FGFR3: variants seen among roughly 807,000 people sequenced by gnomAD.
FGFR3 encodes FGFR-3.
Under a neutral mutation model 82.9 loss-of-function variants are expected in FGFR3, and 25 were observed. The observed-to-expected ratio is 0.30, with a 90% CI of 0.22 to 0.42. The LOEUF is 0.42. Among genes scored for constraint, FGFR3 ranks in the 10% least tolerant of loss-of-function variants. The probability of loss-of-function intolerance (pLI) is 1.00; values close to 1 mark genes in which losing one functional copy is unlikely to be tolerated. For synonymous variants in FGFR3, 620 were observed against 516.0 expected, an observed-to-expected ratio of 1.20 and a Z score of -2.73; for missense variants, 1,026 against 1,161.0, an observed-to-expected ratio of 0.88 and a Z score of 1.69.
At position 1,793,432 on chromosome 4, in the gene FGFR3, C is replaced by T. The variant is rs781380390; in HGVS notation, c.-136C>T. ...GCGGACAGCGAGCCGGAGCGGGAGCCGCGCGTAGCGAGCCGGGCTCCGGCG... is the reference window on the plus strand; with the variant it reads ...GCGGACAGCGAGCCGGAGCGGGAGCTGCGCGTAGCGAGCCGGGCTCCGGCG... On this transcript the variant is annotated 5_prime_UTR_variant, in exon 1 of 18. Transcript: ENST00000440486. 2.7e-5 allele frequency: 4 copies of T among 149,218 alleles called. No individual in the cohort carries two copies. Among genetic ancestry groups the T allele is most frequent in the Non-Finnish European group, 6.0e-5 (4 of 66,758 alleles). 9.2% of individuals were successfully genotyped at this position (149,218 alleles called of 1,614,324 possible).
At chr4:1,805,113 C>T (rs543505648) in intron 10 of FGFR3, 144 bp downstream of exon 10, 3 of 1,328,326 alleles carry the variant, frequency 2.3e-6, no homozygotes, top group Admixed American at 2.4e-5. Context: ...TGGAGATGCT[C>T]CTGGGACGGG....
At chr4:1,799,977 C>T (rs1299044752) in intron 4 of FGFR3, among the ~76,000 whole-genome samples, 165 bp downstream of exon 4, 1 of 152,188 alleles carries the variant, frequency 6.6e-6, no homozygotes, top group Non-Finnish European at 1.5e-5. Context: ...GGGTCACTGA[C>T]ATGGCTCTAG....
chr4:1,806,413 G>A (rs1053659695), intron 15 of FGFR3, 86 bp downstream of exon 15: 11 of 1,602,562 alleles, frequency 6.9e-6, no homozygotes, highest in Non-Finnish European at 9.4e-6. Flanking sequence ...CCAGGCCTGT[G>A]CCCTGGAGCT....
intron 7 of FGFR3, 100 bp from the exon 8 acceptor site, chr4:1,803,592 G>A (rs772457167): frequency 8.8e-5 from 134 of 1,529,904 alleles, no homozygotes; most frequent in Non-Finnish European, 1.1e-4. Context: ...TGGTGGTGGC[G>A]GCGTTTTCCT....
chr4:1,806,341 A>G lies in FGFR3; in HGVS notation c.2030+14A>G, dbSNP rs779109060. The G allele has an allele frequency of 5.0e-6, 8 of 1,612,958 alleles. No individual in the cohort carries two copies. In the East Asian group the frequency reaches 1.8e-4, roughly 36 times the overall value. On this transcript the variant is annotated intron_variant, in intron 15 of 17. Transcript: ENST00000440486. ...CCAGAGTGACGTGTACGTGTCCTGC[A>G]GAGCTCAGGCTTCAGGGGTGGAGGC... is the stretch of plus-strand genomic sequence containing the variant.
chr4:1,807,840 A>G lies in FGFR3; in HGVS notation c.*578A>G. 2.3e-6 allele frequency: 1 copy of G among 441,742 alleles called. No homozygotes were observed. The highest frequency in any genetic ancestry group is 2.0e-5 in the South Asian group (1 of 48,896). The allele number at this position is 441,742 out of a possible 1,614,324, so 27.4% of individuals were successfully genotyped here. ...TGGGAGCCTTTACCTTTTATGCAAA[A>G]GGTTTATTCCGGAAACTAGTGTACA... On this transcript the variant is annotated 3_prime_UTR_variant, in exon 18 of 18. Transcript: ENST00000440486.
At chr4:1,806,480 C>G (rs2108810664) in intron 15 of FGFR3, 66 bp from the exon 16 acceptor site, 1 of 1,612,070 alleles carries the variant, frequency 6.2e-7, no homozygotes, top group Non-Finnish European at 8.5e-7. Context: ...GGCCTATTCC[C>G]CTGGTGCCCG....
chr4:1,802,883 C>T (rs753024441), intron 7 of FGFR3: 106 of 1,566,594 alleles, frequency 6.8e-5, no homozygotes, highest in East Asian at 7.4e-5. Context: ...GCCTCGGGGG[C>T]GTGCCTGAGC....
rs778478319 is a variant in FGFR3, at chr4:1,806,245, A to C, written c.1960-12A>C. On this transcript the variant is annotated splice_polypyrimidine_tract_variant and intron_variant, in intron 14 of 17. Transcript: ENST00000440486. ...CGCCTGGCGCCAACACCGCCTTCCC[A>C]CACCCTCCCAGGGCCGGCTGCCCGT... 4.3e-6 allele frequency: 7 copies of C among 1,612,706 alleles called. No individual in the cohort carries two copies. Among genetic ancestry groups the C allele is most frequent in the African/African-American group, 1.3e-5 (1 of 74,836 alleles).
intron 1 of FGFR3, among the ~76,000 whole-genome samples, 158 bp from the exon 2 acceptor site, chr4:1,793,675 G>T (rs1437110062): frequency 3.3e-5 from 5 of 149,356 alleles, no homozygotes; most frequent in Non-Finnish European, 6.0e-5. Context: ...GGACCGCGGC[G>T]GGGAGGAGGC....
At chr4:1,801,779 C>T (rs1447427053) in intron 6 of FGFR3, 36 bp downstream of exon 6, 1 of 1,588,274 alleles carries the variant, frequency 6.3e-7, no homozygotes, top group South Asian at 1.1e-5. Flanking sequence ...GTGGGGGCGG[C>T]AGTGGCGGTG....
chr4:1,806,596 C>T lies in FGFR3; in HGVS notation c.2081C>T (p.Pro694Leu), dbSNP rs2108811803. 1 of 1,613,138 alleles carries T rather than the reference C, an allele frequency of 6.2e-7. No individual in the cohort carries two copies. Among genetic ancestry groups the T allele is most frequent in the Non-Finnish European group, 8.5e-7 (1 of 1,179,944 alleles). ...LWEIFTLGGS[P>L]YPGIPVEELF... ...GAGATCTTCACGCTGGGGGGCTCCC[C>T]GTACCCCGGCATCCCTGTGGAGGAG... The change falls in exon 16 of 18, where the codon CCG becomes CTG. Residue 694 changes from proline (P) to leucine (L), a missense_variant. Pro to Leu is a moderately conservative substitution (Grantham distance 98). Transcript: ENST00000440486.
At chr4:1,801,053 C>T (rs1013139498) in intron 4 of FGFR3, among the ~76,000 whole-genome samples, 10 of 152,220 alleles carry the variant, frequency 6.6e-5, no homozygotes, top group Admixed American at 3.9e-4. Context: ...TCAGTCTCCC[C>T]GTTGGTGGGC....
chr4:1,803,135 G>T, intron 7 of FGFR3: 2 of 1,413,722 alleles, frequency 1.4e-6, no homozygotes, highest in Admixed American at 3.2e-5. Flanking sequence ...CGCCCTGCAC[G>T]CCCCGCACGC....
intron 15 of FGFR3, 25 bp from the exon 16 acceptor site, chr4:1,806,521 A>G (rs1425708180): frequency 1.2e-6 from 2 of 1,612,690 alleles, no homozygotes; most frequent in East Asian, 4.5e-5. Flanking sequence ...GTCTCAGGAC[A>G]GCCTGACCTC....
chr4:1,797,099 C>T lies in FGFR3; in HGVS notation c.110-2155C>T, dbSNP rs536010219. Reference sequence around the variant, plus strand: ...GCCTTGGGTACAGCAGGAGTTTTGTCTCCAACGTGTTTGGGCACCAGTGTC... The same window carrying T: ...GCCTTGGGTACAGCAGGAGTTTTGTTTCCAACGTGTTTGGGCACCAGTGTC... On this transcript the variant is annotated intron_variant, in intron 2 of 17. Coordinates refer to ENST00000440486, the MANE Select transcript of FGFR3 (RefSeq NM_000142.5). Among the ~76,000 whole-genome samples the T allele has an allele frequency of 7.5e-4, 114 of 152,290 alleles. 1 individual carries two copies. Among genetic ancestry groups the T allele is most frequent in the African/African-American group, 2.6e-3 (108 of 41,540 alleles).
At chr4:1,799,561 G>C (rs369094663) in intron 3 of FGFR3, 38 bp downstream of exon 3, 1 of 1,549,632 alleles carries the variant, frequency 6.5e-7, no homozygotes, top group African/African-American at 1.4e-5. Flanking sequence ...GAAAGGAGCC[G>C]AGTGCCGGGC....
rs1275134462 is a variant in FGFR3 at position 1,807,449 on chromosome 4, A to T, written c.*187A>T. 1 of 921,596 alleles carries T rather than the reference A, an allele frequency of 1.1e-6. No individual in the cohort carries two copies. The allele number at this position is 921,596 out of a possible 1,614,324, so 57.1% of individuals were successfully genotyped here. On this transcript the variant is annotated 3_prime_UTR_variant, in exon 18 of 18. Coordinates refer to ENST00000440486, the MANE Select transcript of FGFR3 (RefSeq NM_000142.5). ...TCCGCGTGTGCCTGTGTGCGTGCGC[A>T]TCTTGCCTCCAGGTGCAGAGGTACC...
At chr4:1,801,795 G>A (rs1209359561) in intron 6 of FGFR3, 40 bp from the exon 7 acceptor site, 3 of 1,595,248 alleles carry the variant, frequency 1.9e-6, no homozygotes, top group Non-Finnish European at 2.6e-6. Flanking sequence ...CGGTGGTGGT[G>A]AGGGAGGGGG....
Sources: allele counts gnomAD v4.1 joint callset (sites outside exome capture counted in the v4.1 genomes callset), GRCh38; gene constraint gnomAD v4.1.1; transcripts MANE v1.5; gene names NCBI Gene and HGNC (gene_info 2026-07-23, HGNC 2026-07-21).